ZNF430: variants seen among roughly 807,000 people sequenced by gnomAD.
The protein encoded by ZNF430 is zinc finger protein 430.
ZNF430 carries 35 observed loss-of-function variants against 56.7 expected under a neutral mutation model. That is an observed-to-expected ratio of 0.62 (90% CI 0.47 to 0.82). The LOEUF (loss-of-function observed/expected upper bound fraction) is 0.82. Ranked by LOEUF, ZNF430 falls within the 40% of genes least tolerant of loss-of-function variation. The pLI, the probability that ZNF430 is intolerant of heterozygous loss-of-function variation, is 0.00. For missense variants in ZNF430, 574 were observed against 661.0 expected (o/e 0.87, Z 1.44); for synonymous variants, 212 against 224.3 (o/e 0.94, Z 0.49).
rs199498150 is a variant in ZNF430, at chr19:21,058,030, G to A, written c.*9G>A. The stretch of plus-strand genomic sequence containing the variant: ...AAACCCTACAAATGTGAAGATTGTG[G>A]CAAAGCCTCTAACCCGTCCTGAATT... On this transcript the variant is annotated 3_prime_UTR_variant, in exon 5 of 5. Coordinates refer to ENST00000261560, the MANE Select transcript of ZNF430 (RefSeq NM_025189.4). 46 of 1,608,576 alleles carry A rather than the reference G, an allele frequency of 2.9e-5. No homozygotes were observed. The African/African-American group carries it at 6.0e-4, about 21-fold the overall frequency.
chr19:21,034,030 C>A, intron 3 of ZNF430, 56 bp from the exon 4 acceptor site: 1 of 1,359,190 alleles, frequency 7.4e-7, no homozygotes, highest in Non-Finnish European at 1.1e-6. Context: ...AAGCACAGTA[C>A]TAGGTTGGTA....
rs1237763456 is a variant in ZNF430, at chr19:21,020,698, C to A, written c.-103C>A. On this transcript the variant is annotated 5_prime_UTR_variant, in exon 1 of 5. Coordinates refer to ENST00000261560, the MANE Select transcript of ZNF430 (RefSeq NM_025189.4). The stretch of plus-strand genomic sequence containing the variant: ...TGAGCTCCAGGTCTCGTCTTCAGCG[C>A]TCTGTGTCCTCTGCTCCTAGAGGTC... The A allele has an allele frequency of 4.6e-6, 7 of 1,534,340 alleles. No homozygotes were observed. Among genetic ancestry groups the A allele is most frequent in the Non-Finnish European group, 6.3e-6 (7 of 1,111,048 alleles).
rs763782776 is a variant in ZNF430, at chr19:21,057,989, A to ACC, written c.1681_1682insCC (p.Asn561ThrfsTer22). ...GTCCTCAAACCTTATTGAACAAAGTAATTCATACTGGAGAGAAACCCTACA... is the reference window on the plus strand; with the variant it reads ...GTCCTCAAACCTTATTGAACAAAGTACCATTCATACTGGAGAGAAACCCTACA... On this transcript the variant is annotated frameshift_variant, in exon 5 of 5. Transcript: ENST00000261560. LOFTEE classifies it high-confidence loss of function. 2.1e-5 allele frequency: 34 copies of ACC among 1,612,930 alleles called. No individual in the cohort carries two copies. The highest frequency in any genetic ancestry group is 2.8e-5 in the Non-Finnish European group (33 of 1,179,560).
Position 21,058,828 on chromosome 19 carries a change from C to G in ZNF430, c.*807C>G, listed in dbSNP as rs1968425042. ...AATAAAAGGAATATAAGTGCAATTACTGTCAAAAGATCTTTCAGAAAATAT... is the reference window on the plus strand; with the variant it reads ...AATAAAAGGAATATAAGTGCAATTAGTGTCAAAAGATCTTTCAGAAAATAT... On this transcript the variant is annotated 3_prime_UTR_variant, in exon 5 of 5. Transcript: ENST00000261560. The G allele has an allele frequency of 6.6e-6, 1 of 152,160 alleles. No homozygotes were observed. The highest frequency in any genetic ancestry group is 1.5e-5 in the Non-Finnish European group (1 of 68,016). 9.4% of individuals were successfully genotyped at this position (152,160 alleles called of 1,614,324 possible). A position where few individuals can be genotyped will look rare whatever the true frequency, so the allele number is the denominator to read the frequency against.
At chr19:21,052,505 AC>A (rs1173255195) in intron 4 of ZNF430, among the ~76,000 whole-genome samples, 1 of 152,194 alleles carries the variant, frequency 6.6e-6, no homozygotes, top group Non-Finnish European at 1.5e-5. Flanking sequence ...AATGTAAGAT[AC>A]AAACACACAC....
At chr19:21,033,619 C>A in intron 3 of ZNF430, 37 bp downstream of exon 3, 1 of 1,522,906 alleles carries the variant, frequency 6.6e-7, no homozygotes, top group Non-Finnish European at 8.8e-7. Flanking sequence ...CTAGTATACC[C>A]TAAAGGTTTC....
intron 4 of ZNF430, among the ~76,000 whole-genome samples, chr19:21,052,479 A>G (rs1163218862): frequency 1.3e-5 from 2 of 152,058 alleles, no homozygotes; most frequent in East Asian, 1.9e-4. Context: ...TATTTGCTTT[A>G]TATGTTTGGA....
At chr19:21,053,973 A>G (rs1968327605) in intron 4 of ZNF430, among the ~76,000 whole-genome samples, 1 of 152,164 alleles carries the variant, frequency 6.6e-6, no homozygotes, top group African/African-American at 2.4e-5. Context: ...AACCTCTAAA[A>G]GATACAACGA....
intron 4 of ZNF430, among the ~76,000 whole-genome samples, chr19:21,042,000 C>T (rs866434523): frequency 6.6e-6 from 1 of 152,186 alleles, no homozygotes; most frequent in Non-Finnish European, 1.5e-5. Context: ...GCATGAGCCA[C>T]CGTGCCCAGC....
At chr19:21,041,796 C>T (rs1968107177) in intron 4 of ZNF430, among the ~76,000 whole-genome samples, 1 of 152,198 alleles carries the variant, frequency 6.6e-6, no homozygotes, top group Admixed American at 6.5e-5. Context: ...TCACTGCAAA[C>T]TCTGATACCC....
Position 21,056,963 on chromosome 19 carries a change from C to T in ZNF430, c.655C>T (p.His219Tyr). Residue 219 changes from histidine (H) to tyrosine (Y), a missense_variant, in exon 5 of 5, where the codon CAC becomes TAC. His to Tyr is a moderately conservative substitution (Grantham distance 83). Around this residue, in one of 3 missense-constraint regions of ZNF430, gnomAD observed 346 missense variants for 399.1 expected, o/e 0.87. Coordinates refer to ENST00000261560, the MANE Select transcript of ZNF430 (RefSeq NM_025189.4). Reference sequence around the variant, plus strand: ...TGACAAATCGTTTTGCATGCTTTTACACCTAACTCAACATAAAAGAATTCA... The same window carrying T: ...TGACAAATCGTTTTGCATGCTTTTATACCTAACTCAACATAAAAGAATTCA... ...KCDKSFCMLL[H>Y]LTQHKRIHIR... is the part of the protein sequence containing the mutation. The T allele has an allele frequency of 6.2e-7, 1 of 1,613,878 alleles. No individual in the cohort carries two copies. The highest frequency in any genetic ancestry group is 8.5e-7 in the Non-Finnish European group (1 of 1,179,864).
chr19:21,026,777 A>T (rs1599489514), intron 2 of ZNF430, among the ~76,000 whole-genome samples: 1 of 145,052 alleles, frequency 6.9e-6, no homozygotes, highest in South Asian at 2.3e-4. Flanking sequence ...GCACACAGGG[A>T]TAGTTAGACT....
rs1359146135 is a variant in ZNF430, at chr19:21,020,711, GCTCCTAGAGGTC to G, written c.-88_-77del. On this transcript the variant is annotated 5_prime_UTR_variant, in exon 1 of 5. Transcript: ENST00000261560. ...TCGTCTTCAGCGCTCTGTGTCCTCT[GCTCCTAGAGGTC>G]CAGGCTCTGTGGCCCTGTGACCCGC... The G allele has an allele frequency of 1.7e-5, 26 of 1,566,050 alleles. No homozygotes were observed. In the African/African-American group the frequency reaches 3.0e-4, roughly 18 times the overall value.
At chr19:21,055,909 T>C (rs1402454751) in intron 4 of ZNF430, among the ~76,000 whole-genome samples, 1 of 152,162 alleles carries the variant, frequency 6.6e-6, no homozygotes, top group African/African-American at 2.4e-5. Flanking sequence ...CTAGATGTCA[T>C]AGGAGACAGA....
Position 21,057,702 on chromosome 19 carries a change from C to A in ZNF430, c.1394C>A (p.Ala465Asp), listed in dbSNP as rs758551370. 3.7e-6 allele frequency: 6 copies of A among 1,605,450 alleles called. No homozygotes were observed. In the South Asian group the frequency reaches 6.7e-5, roughly 18 times the overall value. The stretch of plus-strand genomic sequence containing the variant: ...TACAAATGTGAAGAATGTGGCAAAG[C>A]CTTTAACCGGTCCCCAAAACTTACT... ...KPYKCEECGK[A>D]FNRSPKLTAH... The change falls in exon 5 of 5, where the codon GCC (alanine) becomes GAC (aspartate). Residue 465 changes from alanine to aspartate, a missense_variant. By Grantham distance (126) the Ala-to-Asp change is moderately radical. Coordinates refer to ENST00000261560, the MANE Select transcript of ZNF430 (RefSeq NM_025189.4).
intron 4 of ZNF430, among the ~76,000 whole-genome samples, chr19:21,055,719 A>G (rs116653453): frequency 1.1e-3 from 167 of 152,128 alleles, no homozygotes; most frequent in African/African-American, 3.8e-3. Flanking sequence ...CTCCCAAAGT[A>G]CTGGAATTAC....
In ZNF430 at chr19:21,058,917, T is replaced by C. The variant is rs1324272911; in HGVS notation, c.*896T>C. The C allele has an allele frequency of 2.6e-5, 4 of 152,238 alleles. No individual in the cohort carries two copies. Among genetic ancestry groups the C allele is most frequent in the Admixed American group, 6.5e-5 (1 of 15,282 alleles). 9.4% of individuals were successfully genotyped at this position (152,238 alleles called of 1,614,324 possible). A position where few individuals can be genotyped will look rare whatever the true frequency, so the allele number is the denominator to read the frequency against. ...AACACTACAAATGTGAAGAGGGTTG[T>C]AGTACCTTTATTTGTATCACAGATT... On this transcript the variant is annotated 3_prime_UTR_variant, in exon 5 of 5. Transcript: ENST00000261560.
rs1974283002 is a variant in ZNF430 at position 21,020,806 on chromosome 19, G to A, written c.3+3G>A. On this transcript the variant is annotated splice_donor_region_variant and intron_variant, in intron 1 of 4. Transcript: ENST00000261560. ...GAACCCCTGGAAGCCTAGAAATGGT[G>A]AGAGTGCCGGGTCCGACATCCCCAG... 1 of 1,613,770 alleles carries A rather than the reference G, an allele frequency of 6.2e-7. No homozygotes were observed. Among genetic ancestry groups the A allele is most frequent in the African/African-American group, 1.3e-5 (1 of 74,934 alleles).
chr19:21,039,905 A>G (rs1968072789), intron 4 of ZNF430, among the ~76,000 whole-genome samples: 1 of 151,998 alleles, frequency 6.6e-6, no homozygotes, highest in African/African-American at 2.4e-5. Context: ...ATAGTGGCAT[A>G]ATTTTGGCTC....
Sources: allele counts gnomAD v4.1 joint callset (sites outside exome capture counted in the v4.1 genomes callset), GRCh38; gene constraint gnomAD v4.1.1; regional missense constraint gnomAD v4.1.1; transcripts MANE v1.5; gene names NCBI Gene and HGNC (gene_info 2026-07-23, HGNC 2026-07-21).